PM20D2: variants seen among roughly 807,000 people sequenced by gnomAD.
PM20D2 encodes peptidase M20 domain containing 2.
In PM20D2, 33 loss-of-function variants were observed where a neutral mutation model predicts 42.9. The observed-to-expected ratio is 0.77, with a 90% CI of 0.58 to 1.03. The LOEUF (loss-of-function observed/expected upper bound fraction) is 1.03, where lower values mean the gene tolerates loss of function less well. Among genes scored for constraint, PM20D2 ranks in the 50% least tolerant of loss-of-function variants. PM20D2 has a pLI of 0.00. For missense variants in PM20D2, 548 were observed against 557.0 expected (o/e 0.98, Z 0.16); for synonymous variants, 250 against 228.2 (o/e 1.10, Z -0.86).
At chr6:89,134,480 T>G in the PM20D2 span, among the ~76,000 whole-genome samples, 2 of 151,196 alleles carry the variant, frequency 1.3e-5, no homozygotes, top group African/African-American at 4.9e-5. Context: ...AGCTCGGTCT[T>G]TCTTTGGTGG....
chr6:89,152,412 CT>C (rs536616410), intron 2 of PM20D2, among the ~76,000 whole-genome samples: 1,710 of 146,930 alleles, frequency 0.012, 15 homozygotes, highest in Admixed American at 0.033. Flanking sequence ...TTTCTCTAAT[CT>C]TTTTTTTTTT....
In PM20D2 at chr6:89,162,365, ATTCTTTTT is replaced by A; in HGVS notation, c.*103_*110del. 1 of 1,199,192 alleles carries A rather than the reference ATTCTTTTT, an allele frequency of 8.3e-7. No individual in the cohort carries two copies. The highest frequency in any genetic ancestry group is 1.2e-6 in the Non-Finnish European group (1 of 869,552). 74.3% of individuals were successfully genotyped at this position (1,199,192 alleles called of 1,614,324 possible). A position where few individuals can be genotyped will look rare whatever the true frequency, so the allele number is the denominator to read the frequency against. On this transcript the variant is annotated 3_prime_UTR_variant, in exon 7 of 7. Transcript: ENST00000275072. The stretch of plus-strand genomic sequence containing the variant: ...TGTTTTTTAATCTTAAAGGAGTAAA[ATTCTTTTT>A]ACCTGATAAGTGAGGACAGGGTGTG...
the PM20D2 span, among the ~76,000 whole-genome samples, chr6:89,133,410 AG>A: frequency 6.6e-6 from 1 of 151,042 alleles, no homozygotes; most frequent in Non-Finnish European, 1.5e-5. Flanking sequence ...GTTTATCAAT[AG>A]TATACAATTC....
the PM20D2 span, among the ~76,000 whole-genome samples, chr6:89,117,168 G>T: frequency 6.6e-6 from 1 of 152,124 alleles, no homozygotes; most frequent in Non-Finnish European, 1.5e-5. Context: ...AATCAACCAG[G>T]TGAGCCTATA....
intron 4 of PM20D2, among the ~76,000 whole-genome samples, chr6:89,157,842 T>TA (rs35923576): frequency 0.34 from 51,778 of 151,914 alleles, 9,671 homozygotes; most frequent in African/African-American, 0.5. Flanking sequence ...CCATCTCTAC[T>TA]AAAATACAAA....
chr6:89,115,032 G>C, the PM20D2 span, among the ~76,000 whole-genome samples: 1 of 152,000 alleles, frequency 6.6e-6, no homozygotes, highest in African/African-American at 2.4e-5. Context: ...TCCTAATTTC[G>C]TGATCTGCCC....
At chr6:89,122,525 A>C in the PM20D2 span, among the ~76,000 whole-genome samples, 1 of 152,222 alleles carries the variant, frequency 6.6e-6, no homozygotes, top group Non-Finnish European at 1.5e-5. Flanking sequence ...ATCAGGTCTA[A>C]TCAAGAAGTC....
At chr6:89,143,168 T>C (rs981139711), upstream of PM20D2, among the ~76,000 whole-genome samples, 37 of 152,370 alleles carry the variant, frequency 2.4e-4, no homozygotes, top group African/African-American at 8.9e-4. Flanking sequence ...TTTATTTTAT[T>C]ATTTCTATCT....
chr6:89,149,146 C>A, intron 1 of PM20D2, 119 bp from the exon 2 acceptor site: 1 of 1,262,774 alleles, frequency 7.9e-7, no homozygotes, highest in Non-Finnish European at 1.1e-6. Flanking sequence ...TAGAACAAAA[C>A]CTGTCTTAAT....
At position 89,151,115 on chromosome 6, in the gene PM20D2, C is replaced by G. The variant is rs1770818400; in HGVS notation, c.614+1702C>G. On this transcript the variant is annotated intron_variant, in intron 2 of 6. Coordinates refer to ENST00000275072, the MANE Select transcript of PM20D2 (RefSeq NM_001010853.3). ...GCAGTGAGCCAAGATCGTGCCATTG[C>G]ACTCCAGCCTGGCCACCAGACAAGT... Among the ~76,000 whole-genome samples the G allele has an allele frequency of 3.5e-5, 5 of 143,052 alleles. No individual in the cohort carries two copies. The South Asian group carries it at 1.1e-3, about 31-fold the overall frequency. 93.8% of individuals were successfully genotyped at this position (143,052 alleles called of 152,430 possible). A position where few individuals can be genotyped will look rare whatever the true frequency, so the allele number is the denominator to read the frequency against.
chr6:89,155,258 CTTTTTTTT>C (rs34776724), intron 4 of PM20D2, among the ~76,000 whole-genome samples: 1 of 58,924 alleles, frequency 1.7e-5, no homozygotes, highest in Admixed American at 2.5e-4. Context: ...TCAGCAAAAG[CTTTTTTTT>C]TTTTTTTTTT....
At chr6:89,118,331 T>G in the PM20D2 span, among the ~76,000 whole-genome samples, 1 of 151,606 alleles carries the variant, frequency 6.6e-6, no homozygotes, top group Non-Finnish European at 1.5e-5. Flanking sequence ...TGGGCGGAGG[T>G]GGGGTCAGTG....
the PM20D2 span, chr6:89,099,093 G>T: frequency 1.9e-6 from 2 of 1,069,072 alleles, no homozygotes; most frequent in Non-Finnish European, 2.6e-6. Context: ...TATTATGCAT[G>T]CTTTTGGTTC....
chr6:89,104,026 G>A, the PM20D2 span, among the ~76,000 whole-genome samples: 80,657 of 119,408 alleles, frequency 0.68, 27,662 homozygotes, highest in East Asian at 0.8. Flanking sequence ...TTGGAGAGAC[G>A]GAGTCTCACC....
At chr6:89,158,718 T>C (rs911386586) in intron 5 of PM20D2, among the ~76,000 whole-genome samples, 5 of 152,208 alleles carry the variant, frequency 3.3e-5, no homozygotes, top group Non-Finnish European at 5.9e-5. Flanking sequence ...TGTTTAAGTT[T>C]CGTTAGTTTT....
chr6:89,114,175 C>A, the PM20D2 span, among the ~76,000 whole-genome samples: 1 of 152,170 alleles, frequency 6.6e-6, no homozygotes, highest in African/African-American at 2.4e-5. Flanking sequence ...TGCCTGTAAT[C>A]CCAGTGCTTT....
chr6:89,150,295 T>C (rs1770783406), intron 2 of PM20D2, among the ~76,000 whole-genome samples: 1 of 152,120 alleles, frequency 6.6e-6, no homozygotes, highest in African/African-American at 2.4e-5. Context: ...GGAGGAATCT[T>C]TGAACTTTGG....
chr6:89,148,952 C>T (rs1770727199), intron 1 of PM20D2, among the ~76,000 whole-genome samples: 1 of 152,138 alleles, frequency 6.6e-6, no homozygotes, highest in South Asian at 2.1e-4. Context: ...TGAAACAAAT[C>T]CTAACAAATT....
At chr6:89,098,327 C>G in the PM20D2 span, 20 of 341,390 alleles carry the variant, frequency 5.9e-5, no homozygotes, top group African/African-American at 4.1e-4. Flanking sequence ...GAAAAGTACC[C>G]TTCTGCCACA....
Sources: allele counts gnomAD v4.1 joint callset (sites outside exome capture counted in the v4.1 genomes callset), GRCh38; gene constraint gnomAD v4.1.1; transcripts MANE v1.5; gene names NCBI Gene and HGNC (gene_info 2026-07-23, HGNC 2026-07-21).